The following MAP2K5 variants were observed in gnomAD, a reference collection of about 807,000 sequenced individuals.
The protein encoded by MAP2K5 is dual specificity mitogen-activated protein kinase kinase 5.
A neutral mutation model predicts 83.1 loss-of-function variants in MAP2K5; 49 were observed. The observed-to-expected ratio is 0.59, with a 90% CI of 0.47 to 0.75. The LOEUF (loss-of-function observed/expected upper bound fraction) is 0.75, where lower values mean the gene tolerates loss of function less well. Ranked by LOEUF, MAP2K5 falls within the 30% of genes least tolerant of loss-of-function variation. The probability of loss-of-function intolerance (pLI) is 0.00; values close to 1 mark genes in which losing one functional copy is unlikely to be tolerated. For synonymous variants in MAP2K5, 202 were observed against 191.8 expected (o/e 1.05, Z -0.44); for missense variants, 457 against 557.5 (o/e 0.82, Z 1.82).
intron 13 of MAP2K5, among the ~76,000 whole-genome samples, chr15:67,671,087 T>A (rs913315740): frequency 1.3e-5 from 2 of 152,194 alleles, no homozygotes; most frequent in African/African-American, 2.4e-5. Flanking sequence ...TCTCTTTGCC[T>A]CTGTTCCCTC....
At chr15:67,630,251 A>G (rs2086439480) in intron 8 of MAP2K5, among the ~76,000 whole-genome samples, 1 of 152,192 alleles carries the variant, frequency 6.6e-6, no homozygotes, top group Non-Finnish European at 1.5e-5. Context: ...CAGTCACTCA[A>G]TCAGATAAAC....
Position 67,807,057 on chromosome 15 carries a change from A to C in MAP2K5, c.*307A>C. The C allele has an allele frequency of 9.8e-7, 1 of 1,025,032 alleles. No homozygotes were observed. 63.5% of individuals were successfully genotyped at this position (1,025,032 alleles called of 1,614,324 possible). Reference sequence around the variant, plus strand: ...CTGTTTTCCTAATGTTTTTCTCTATAAAGGGTCAGGCCCGTCAGCATCACT... The same window carrying C: ...CTGTTTTCCTAATGTTTTTCTCTATCAAGGGTCAGGCCCGTCAGCATCACT... On this transcript the variant is annotated 3_prime_UTR_variant, in exon 22 of 22. Coordinates refer to ENST00000178640, the MANE Select transcript of MAP2K5 (RefSeq NM_145160.3). This position sits in a 1 kb window ranked among gnomAD's most constrained non-coding sequence, Gnocchi z 5.1.
At chr15:67,586,474 G>T (rs893840654) in intron 5 of MAP2K5, among the ~76,000 whole-genome samples, 1 of 152,036 alleles carries the variant, frequency 6.6e-6, no homozygotes, top group Admixed American at 6.6e-5. Flanking sequence ...ACAGTGTTCT[G>T]CTTGGTTGCA....
chr15:67,607,734 C>T (rs985303627), intron 8 of MAP2K5, among the ~76,000 whole-genome samples: 1 of 152,070 alleles, frequency 6.6e-6, no homozygotes. Flanking sequence ...ATTTATTTAG[C>T]CTTTTTTTCT....
chr15:67,658,443 C>A, intron 11 of MAP2K5, 110 bp from the exon 12 acceptor site: 1 of 791,084 alleles, frequency 1.3e-6, no homozygotes, highest in East Asian at 2.5e-5. Context: ...ACATCCAATG[C>A]ATGCTGTAGG....
chr15:67,697,410 A>G (rs561266872), intron 15 of MAP2K5, among the ~76,000 whole-genome samples: 50 of 152,336 alleles, frequency 3.3e-4, no homozygotes, highest in African/African-American at 2.2e-4. Context: ...TGACTTACCC[A>G]AGTTCACAAA....
At chr15:67,608,015 T>C (rs2085818190) in intron 8 of MAP2K5, among the ~76,000 whole-genome samples, 1 of 152,242 alleles carries the variant, frequency 6.6e-6, no homozygotes, top group African/African-American at 2.4e-5. Context: ...AAAAATAGTT[T>C]TGAAGTGGCA....
At chr15:67,556,228 C>T (rs1187853898) in intron 2 of MAP2K5, among the ~76,000 whole-genome samples, 2 of 152,042 alleles carry the variant, frequency 1.3e-5, no homozygotes, top group Admixed American at 1.3e-4. Context: ...TGTTTTTGTT[C>T]AGCTTATTGC....
intron 15 of MAP2K5, among the ~76,000 whole-genome samples, chr15:67,697,778 A>G (rs774904949): frequency 2.0e-5 from 3 of 152,396 alleles, no homozygotes; most frequent in Non-Finnish European, 4.4e-5. Flanking sequence ...AAAATATATC[A>G]GAATGAAATA....
chr15:67,630,941 A>C lies in MAP2K5; in HGVS notation c.585+14A>C. ...TTAGCTGTAAAGGTAAGTACTGGAT[A>C]CATTTTATGAAATTCTTGATGTTCA... On this transcript the variant is annotated intron_variant, in intron 9 of 21. Coordinates refer to ENST00000178640, the MANE Select transcript of MAP2K5 (RefSeq NM_145160.3). 1.3e-6 allele frequency: 2 copies of C among 1,587,846 alleles called. No homozygotes were observed. Among genetic ancestry groups the C allele is most frequent in the Non-Finnish European group, 1.7e-6 (2 of 1,160,292 alleles).
chr15:67,563,045 T>C lies in MAP2K5; in HGVS notation c.185-238T>C, dbSNP rs185166397. 4.6e-5 allele frequency among the ~76,000 whole-genome samples: 7 copies of C among 152,332 alleles called. No individual in the cohort carries two copies. In the East Asian group the frequency reaches 1.4e-3, roughly 29 times the overall value. On this transcript the variant is annotated intron_variant, in intron 2 of 21. Coordinates refer to ENST00000178640, the MANE Select transcript of MAP2K5 (RefSeq NM_145160.3). This position sits in a 1 kb window ranked among gnomAD's most constrained non-coding sequence, Gnocchi z 4.5. ...ATATTTACTTTAACCTAGAGATATG[T>C]TGTGAATGACATGAGCAATATTTTA...
At position 67,785,044 on chromosome 15, in the gene MAP2K5, A is replaced by G. The variant is rs2090393471; in HGVS notation, c.1242+12292A>G. On this transcript the variant is annotated intron_variant, in intron 21 of 21. Transcript: ENST00000178640. This position sits in a 1 kb window ranked among gnomAD's most constrained non-coding sequence, Gnocchi z 4.4. The stretch of plus-strand genomic sequence containing the variant: ...AGCCTCAATCTCCCAGGCTCAGGTG[A>G]TCCTCCTACCTCAGCACCCGCCCTT... Among the ~76,000 whole-genome samples, 1 of 152,100 alleles carries G rather than the reference A, an allele frequency of 6.6e-6. No individual in the cohort carries two copies. The highest frequency in any genetic ancestry group is 2.4e-5 in the African/African-American group (1 of 41,412).
chr15:67,703,915 A>C (rs2088485060), intron 16 of MAP2K5, among the ~76,000 whole-genome samples: 1 of 152,166 alleles, frequency 6.6e-6, no homozygotes, highest in Non-Finnish European at 1.5e-5. Context: ...ACCTCATTCC[A>C]GTATAGTCTT....
intron 11 of MAP2K5, among the ~76,000 whole-genome samples, chr15:67,648,971 T>A (rs994808364): frequency 3.3e-5 from 5 of 152,336 alleles, no homozygotes; most frequent in Non-Finnish European, 5.9e-5. Context: ...ACTACCAAAC[T>A]TTTCCAATCT....
Position 67,543,238 on chromosome 15 carries a change from C to G in MAP2K5, c.-98C>G. 1 of 1,266,288 alleles carries G rather than the reference C, an allele frequency of 7.9e-7. No individual in the cohort carries two copies. Among genetic ancestry groups the G allele is most frequent in the African/African-American group, 1.5e-5 (1 of 68,550 alleles). 78.4% of individuals were successfully genotyped at this position (1,266,288 alleles called of 1,614,324 possible). A position where few individuals can be genotyped will look rare whatever the true frequency, so the allele number is the denominator to read the frequency against. ...CATTCCCTTGTTTTCACCCTCTGTC[C>G]TCTGCCCGTCACTCCCCTTGTCACC... On this transcript the variant is annotated 5_prime_UTR_variant, in exon 1 of 22. Coordinates refer to ENST00000178640, the MANE Select transcript of MAP2K5 (RefSeq NM_145160.3). This position sits in a 1 kb window ranked among gnomAD's most constrained non-coding sequence, Gnocchi z 4.3.
intron 8 of MAP2K5, among the ~76,000 whole-genome samples, chr15:67,619,010 C>T (rs1332386790): frequency 1.3e-5 from 2 of 152,154 alleles, no homozygotes; most frequent in Non-Finnish European, 2.9e-5. Context: ...CTAAATGGTG[C>T]TACACAGTCT....
chr15:67,550,056 C>T lies in MAP2K5; in HGVS notation c.158C>T (p.Pro53Leu). Reference protein sequence around the residue: ...DVLDVIGQVLPEATTTAFEYE... With the variant: ...DVLDVIGQVLLEATTTAFEYE... ...TAGGATGTGATAGGCCAGGTTCTGC[C>T]TGAAGCAACAACTACAGCATTTGAA... is the stretch of plus-strand genomic sequence containing the variant. The change falls in exon 2 of 22, where the codon CCT becomes CTT. Residue 53 changes from proline (P) to leucine (L), a missense_variant. Pro to Leu is a moderately conservative substitution (Grantham distance 98, BLOSUM62 -3). Around this residue, in one of 3 missense-constraint regions of MAP2K5, gnomAD observed 234 missense variants for 243.6 expected, o/e 0.96. Transcript: ENST00000178640. The T allele has an allele frequency of 6.2e-7, 1 of 1,613,636 alleles. No individual in the cohort carries two copies.
rs2089235791 is a variant in MAP2K5, at chr15:67,732,102, C to T, written c.1074+4157C>T. 2.0e-5 allele frequency among the ~76,000 whole-genome samples: 3 copies of T among 152,274 alleles called. No homozygotes were observed. In the South Asian group the frequency reaches 6.2e-4, roughly 32 times the overall value. ...AATGAAAAATTGCATTTTTAAATATCTTGCGAACAGTTTCTCAATTTCTGG... is the reference window on the plus strand; with the variant it reads ...AATGAAAAATTGCATTTTTAAATATTTTGCGAACAGTTTCTCAATTTCTGG... On this transcript the variant is annotated intron_variant, in intron 17 of 21. Coordinates refer to ENST00000178640, the MANE Select transcript of MAP2K5 (RefSeq NM_145160.3).
chr15:67,585,912 G>T lies in MAP2K5; in HGVS notation c.345G>T (p.Arg115=). ...FPRACKPPGE[R]NIHGLKVNTR... is the part of the protein sequence containing the mutation. ...CAGCCTGCAAGCCTCCTGGGGAACGGAACATACATGGCCTGAAGGTACGAA... is the reference window on the plus strand; with the variant it reads ...CAGCCTGCAAGCCTCCTGGGGAACGTAACATACATGGCCTGAAGGTACGAA... The change falls in exon 5 of 22, where the codon CGG becomes CGT. Residue 115 remains arginine, a synonymous_variant. Transcript: ENST00000178640. 6.2e-7 allele frequency: 1 copy of T among 1,613,918 alleles called. No individual in the cohort carries two copies. Among genetic ancestry groups the T allele is most frequent in the Non-Finnish European group, 8.5e-7 (1 of 1,179,832 alleles).
Sources: gnomAD v4.1 joint callset for allele counts (sites outside exome capture counted in the v4.1 genomes callset) on GRCh38, gnomAD v4.1.1 for gene constraint, gnomAD v4.1.1 regional missense constraint, Gnocchi (gnomAD v3.1) non-coding constraint, MANE v1.5 for transcripts, NCBI Gene and HGNC (gene_info 2026-07-23, HGNC 2026-07-21) for gene names.